TOM1L2: variants seen among roughly 807,000 people sequenced by gnomAD.
TOM1L2 encodes the protein TOM1-like protein 2.
TOM1L2 carries 31 observed loss-of-function variants against 67.9 expected under a neutral mutation model. The ratio of observed to expected loss-of-function variants is 0.46; its 90% CI spans 0.34 to 0.62. The LOEUF (loss-of-function observed/expected upper bound fraction) is 0.62, where lower values mean the gene tolerates loss of function less well. Ranked by LOEUF, TOM1L2 falls within the 20% of genes least tolerant of loss-of-function variation. The probability of loss-of-function intolerance (pLI) is 0.01; values close to 1 mark genes in which losing one functional copy is unlikely to be tolerated. For missense variants in TOM1L2, 606 were observed against 663.5 expected (o/e 0.91, Z 0.95); for synonymous variants, 256 against 254.0 (o/e 1.01, Z -0.07).
At chr17:17,899,988 G>C (rs896446076) in intron 2 of TOM1L2, among the ~76,000 whole-genome samples, 2 of 152,230 alleles carry the variant, frequency 1.3e-5, no homozygotes, top group Non-Finnish European at 2.9e-5. Flanking sequence ...AAGGCAGGTG[G>C]ATAACCTGAG....
intron 3 of TOM1L2, among the ~76,000 whole-genome samples, chr17:17,894,244 T>A (rs1420146339): frequency 6.6e-6 from 1 of 152,124 alleles, no homozygotes; most frequent in Non-Finnish European, 1.5e-5. Context: ...GCTTAGTGAG[T>A]TACTGGCCCT....
At chr17:17,962,369 G>A (rs1294096535) in intron 1 of TOM1L2, among the ~76,000 whole-genome samples, 1 of 151,584 alleles carries the variant, frequency 6.6e-6, no homozygotes, top group Non-Finnish European at 1.5e-5. Context: ...CACCCAGGCT[G>A]GAGTGCAGTG....
chr17:17,956,588 C>G (rs561784035), intron 1 of TOM1L2, among the ~76,000 whole-genome samples: 2 of 152,318 alleles, frequency 1.3e-5, no homozygotes, highest in African/African-American at 2.4e-5. Context: ...TAGGAGCCCA[C>G]GGCAGGGAGG....
chr17:17,861,324 G>A lies in TOM1L2; in HGVS notation c.1278+152C>T. On this transcript the variant is annotated intron_variant, in intron 12 of 14. Transcript: ENST00000379504. ...GAAGACTCAATGAGGCACTACCTGG[G>A]TTCCACGGGGTGTCCCCCGTGGGTC... 4.7e-6 allele frequency: 3 copies of A among 633,062 alleles called. No individual in the cohort carries two copies. In the South Asian group the frequency reaches 5.9e-5, roughly 13 times the overall value. 39.2% of individuals were successfully genotyped at this position (633,062 alleles called of 1,614,324 possible).
At chr17:17,856,776 C>T (rs1017501620) in intron 12 of TOM1L2, among the ~76,000 whole-genome samples, 31 of 152,354 alleles carry the variant, frequency 2.0e-4, no homozygotes, top group African/African-American at 7.2e-4. Flanking sequence ...CCAAGACATA[C>T]AGCCTGAGAT....
intron 1 of TOM1L2, among the ~76,000 whole-genome samples, chr17:17,960,513 T>A (rs2041636716): frequency 6.6e-6 from 1 of 152,186 alleles, no homozygotes; most frequent in African/African-American, 2.4e-5. Context: ...ATTTTTGTAT[T>A]TTTTTGTAGA....
intron 8 of TOM1L2, among the ~76,000 whole-genome samples, chr17:17,868,784 A>C (rs1219486962): frequency 6.6e-6 from 1 of 152,218 alleles, no homozygotes; most frequent in East Asian, 1.9e-4. Context: ...TGCAGAAAGA[A>C]CTGGAATGAA....
chr17:17,884,534 A>G (rs933072157), intron 5 of TOM1L2, 100 bp downstream of exon 5: 2 of 1,524,798 alleles, frequency 1.3e-6, no homozygotes, highest in Non-Finnish European at 1.8e-6. Context: ...CATGATGACA[A>G]GCTGAATAAT....
At chr17:17,922,550 G>T (rs1402757649) in intron 1 of TOM1L2, among the ~76,000 whole-genome samples, 1 of 152,186 alleles carries the variant, frequency 6.6e-6, no homozygotes, top group East Asian at 1.9e-4. Flanking sequence ...CAGCATGTTG[G>T]TCAAGGTCAT....
At chr17:17,886,086 A>T (rs913884377) in intron 4 of TOM1L2, among the ~76,000 whole-genome samples, 4 of 152,150 alleles carry the variant, frequency 2.6e-5, no homozygotes, top group Non-Finnish European at 5.9e-5. Flanking sequence ...CCATGACTCC[A>T]TTGCCAAGTC....
At chr17:17,953,623 G>A (rs2041302484) in intron 1 of TOM1L2, among the ~76,000 whole-genome samples, 1 of 152,222 alleles carries the variant, frequency 6.6e-6, no homozygotes, top group African/African-American at 2.4e-5. Flanking sequence ...CATGGATGGG[G>A]TGTAGAAACA....
rs1234835527 is a variant in TOM1L2 at position 17,846,262 on chromosome 17, G to A, written c.*1373C>T. On this transcript the variant is annotated 3_prime_UTR_variant, in exon 15 of 15. Coordinates refer to ENST00000379504, the MANE Select transcript of TOM1L2 (RefSeq NM_001082968.2). ...CTGACCTAGGCAGTGCATGCTGGAG[G>A]GGACAGGAGCAGACTGACCCAGCGA... The A allele has an allele frequency of 6.6e-6, 1 of 152,440 alleles. No homozygotes were observed. Among genetic ancestry groups the A allele is most frequent in the Non-Finnish European group, 1.5e-5 (1 of 68,202 alleles). 9.4% of individuals were successfully genotyped at this position (152,440 alleles called of 1,614,324 possible). A position where few individuals can be genotyped will look rare whatever the true frequency, so the allele number is the denominator to read the frequency against.
intron 1 of TOM1L2, among the ~76,000 whole-genome samples, chr17:17,913,200 TGG>T (rs1298381559): frequency 6.8e-6 from 1 of 147,438 alleles, no homozygotes; most frequent in African/African-American, 2.5e-5. Context: ...AGGGAGACCG[TGG>T]GGAGACGGGA....
chr17:17,849,094 G>GT lies in TOM1L2; in HGVS notation c.1339-236dup, dbSNP rs2035817805. The GT allele has an allele frequency of 5.3e-6, 3 of 566,918 alleles. No homozygotes were observed. The Admixed American group carries it at 9.6e-5, about 18-fold the overall frequency. 35.1% of individuals were successfully genotyped at this position (566,918 alleles called of 1,614,324 possible). Reference sequence around the variant, plus strand: ...AGCAAAAAATTCAAACATGTTTTAGGTTTTGATCCTCCAGAAAGGCTGGAA... The same window carrying GT: ...AGCAAAAAATTCAAACATGTTTTAGGTTTTTGATCCTCCAGAAAGGCTGGAA... On this transcript the variant is annotated intron_variant, in intron 13 of 14. Coordinates refer to ENST00000379504, the MANE Select transcript of TOM1L2 (RefSeq NM_001082968.2).
intron 14 of TOM1L2, 26 bp downstream of exon 14, chr17:17,848,797 C>CTGTA (rs1568037952): frequency 2.5e-6 from 4 of 1,613,518 alleles, no homozygotes; most frequent in Admixed American, 1.7e-5. Flanking sequence ...CAAAAGGGGG[C>CTGTA]TGTAAGGCCA....
intron 1 of TOM1L2, among the ~76,000 whole-genome samples, chr17:17,969,587 C>T (rs1597491660): frequency 6.6e-6 from 1 of 152,166 alleles, no homozygotes; most frequent in South Asian, 2.1e-4. Flanking sequence ...TATTGGCTAC[C>T]TGGCAGTGGG....
intron 1 of TOM1L2, among the ~76,000 whole-genome samples, chr17:17,944,465 C>T (rs992630446): frequency 6.6e-6 from 1 of 152,196 alleles, no homozygotes; most frequent in Admixed American, 6.5e-5. Flanking sequence ...CCTTCACCTC[C>T]ATGGCTGCAA....
At position 17,945,678 on chromosome 17, in the gene TOM1L2, A is replaced by G. The variant is rs1407030089; in HGVS notation, c.52+26584T>C. 2.0e-5 allele frequency among the ~76,000 whole-genome samples: 3 copies of G among 152,288 alleles called. No homozygotes were observed. In the East Asian group the frequency reaches 5.8e-4, roughly 29 times the overall value. On this transcript the variant is annotated intron_variant, in intron 1 of 14. Transcript: ENST00000379504. ...CAAAAGTGACCTTAATATTTCACGG[A>G]GACTTTCTCTGCATAGCTATAATTC...
chr17:17,970,903 C>A (rs1420083095), intron 1 of TOM1L2, among the ~76,000 whole-genome samples: 1 of 152,176 alleles, frequency 6.6e-6, no homozygotes, highest in Non-Finnish European at 1.5e-5. Context: ...CAGGAGGAAT[C>A]CAGTTTTCAA....
Sources: gnomAD v4.1 joint callset for allele counts (sites outside exome capture counted in the v4.1 genomes callset) on GRCh38, gnomAD v4.1.1 for gene constraint, MANE v1.5 for transcripts, NCBI Gene and HGNC (gene_info 2026-07-23, HGNC 2026-07-21) for gene names.